Variants in RORA observed in about 807,000 individuals in gnomAD.
The protein encoded by RORA is nuclear receptor ROR-alpha.
Under a neutral mutation model 69.5 loss-of-function variants are expected in RORA, and 7 were observed. The observed-to-expected ratio is 0.10, with a 90% CI of 0.06 to 0.19. The LOEUF (loss-of-function observed/expected upper bound fraction) is 0.19, where lower values mean the gene tolerates loss of function less well. Among genes scored for constraint, RORA ranks in the 10% least tolerant of loss-of-function variants. The probability of loss-of-function intolerance (pLI) is 1.00; values close to 1 mark genes in which losing one functional copy is unlikely to be tolerated. For missense variants in RORA, 457 were observed against 663.0 expected (o/e 0.69, Z 3.41); for synonymous variants, 261 against 240.8 (o/e 1.08, Z -0.78).
intron 1 of RORA, among the ~76,000 whole-genome samples, chr15:60,961,120 C>T (rs1302725076): frequency 6.6e-6 from 1 of 152,198 alleles, no homozygotes; most frequent in African/African-American, 2.4e-5. Flanking sequence ...ATTCTTAGAT[C>T]TCTCTGGCCT....
chr15:60,842,717 C>T (rs2073215317), intron 1 of RORA, among the ~76,000 whole-genome samples: 1 of 151,624 alleles, frequency 6.6e-6, no homozygotes, highest in Non-Finnish European at 1.5e-5. Context: ...CCACACAGGT[C>T]CTGGGCTGTC....
intron 1 of RORA, among the ~76,000 whole-genome samples, chr15:60,691,653 A>C (rs1178533160): frequency 6.6e-6 from 1 of 152,204 alleles, no homozygotes; most frequent in Non-Finnish European, 1.5e-5. Flanking sequence ...ACATACAAAG[A>C]GTGAGAGGGG....
rs147909567 is a variant in RORA, at chr15:61,009,620, T to A, written c.166+219433A>T. On this transcript the variant is annotated intron_variant, in intron 1 of 10. Transcript: ENST00000335670. ...AACAGTGAGAAATGGAAACATCTGATTTGTCTTGACTACGCTTAGACCTCA... is the reference window on the plus strand; with the variant it reads ...AACAGTGAGAAATGGAAACATCTGAATTGTCTTGACTACGCTTAGACCTCA... Among the ~76,000 whole-genome samples the A allele has an allele frequency of 6.0e-3, 909 of 152,316 alleles. 5 individuals are homozygous for A. The highest frequency in any genetic ancestry group is 0.021 in the African/African-American group (854 of 41,566).
chr15:60,722,345 T>C (rs975549869), intron 1 of RORA, among the ~76,000 whole-genome samples: 5 of 152,186 alleles, frequency 3.3e-5, no homozygotes, highest in African/African-American at 9.7e-5. Context: ...CCCCACAAAT[T>C]AAGGTGCAGC....
chr15:60,635,196 T>G (rs1012218703), intron 2 of RORA, among the ~76,000 whole-genome samples: 2 of 152,220 alleles, frequency 1.3e-5, no homozygotes, highest in Non-Finnish European at 2.9e-5. Flanking sequence ...AATTTAAGGA[T>G]AGCTGTTATA....
chr15:60,708,419 A>G (rs76399461), intron 1 of RORA, among the ~76,000 whole-genome samples: 59 of 147,714 alleles, frequency 4.0e-4, no homozygotes, highest in South Asian at 2.1e-4. Flanking sequence ...CTCCGTCTCA[A>G]AAAAAAAAAA....
chr15:60,750,295 A>C, intron 1 of RORA, among the ~76,000 whole-genome samples: 1 of 152,328 alleles, frequency 6.6e-6, no homozygotes. Context: ...CCACCATGCC[A>C]CTGGTCTCCT....
chr15:60,981,099 A>T (rs1325654604), intron 1 of RORA, among the ~76,000 whole-genome samples: 5 of 146,562 alleles, frequency 3.4e-5, no homozygotes, highest in East Asian at 2.0e-4. Flanking sequence ...GGTTTACAGT[A>T]TTTTTTTTTT....
At chr15:60,521,339 T>A (rs1441457575) in intron 3 of RORA, among the ~76,000 whole-genome samples, 2 of 151,782 alleles carry the variant, frequency 1.3e-5, no homozygotes, top group Admixed American at 1.3e-4. Context: ...CCTCCTGGGT[T>A]CAAGTGATTC....
chr15:60,520,760 G>T (rs951708251), intron 3 of RORA, among the ~76,000 whole-genome samples: 6 of 152,112 alleles, frequency 3.9e-5, no homozygotes, highest in Non-Finnish European at 7.4e-5. Flanking sequence ...AGCTGGGAAA[G>T]GTATCAAGTA....
intron 1 of RORA, among the ~76,000 whole-genome samples, chr15:60,682,912 A>G (rs997277386): frequency 4.6e-5 from 7 of 152,220 alleles, no homozygotes; most frequent in African/African-American, 1.7e-4. Flanking sequence ...CCTAAAATAC[A>G]CATACACCCT....
intron 1 of RORA, among the ~76,000 whole-genome samples, chr15:61,178,781 T>C (rs112789625): frequency 6.6e-6 from 1 of 152,108 alleles, no homozygotes; most frequent in Non-Finnish European, 1.5e-5. Context: ...TACATATAAA[T>C]GACAAACAAC....
At chr15:61,223,287 C>T in intron 1 of RORA, among the ~76,000 whole-genome samples, 1 of 128,166 alleles carries the variant, frequency 7.8e-6, no homozygotes, top group Non-Finnish European at 1.5e-5. Context: ...GCACTCCAGC[C>T]TGGGAGACAC....
At chr15:60,916,227 T>C (rs1435931242) in intron 1 of RORA, among the ~76,000 whole-genome samples, 1 of 152,172 alleles carries the variant, frequency 6.6e-6, no homozygotes, top group Non-Finnish European at 1.5e-5. Context: ...ATATTCAGAT[T>C]CCCTCCAATG....
At chr15:60,901,386 A>G (rs1198955499) in intron 1 of RORA, among the ~76,000 whole-genome samples, 1 of 152,164 alleles carries the variant, frequency 6.6e-6, no homozygotes, top group Non-Finnish European at 1.5e-5. Context: ...TGGCCAGGCC[A>G]GTCTCGAACT....
intron 1 of RORA, among the ~76,000 whole-genome samples, chr15:60,939,512 C>T (rs1353288274): frequency 1.3e-5 from 2 of 152,182 alleles, no homozygotes; most frequent in Non-Finnish European, 2.9e-5. Context: ...GTTGCCATAG[C>T]GGCCTTAAGT....
At chr15:61,146,510 T>G (rs970787643) in intron 1 of RORA, among the ~76,000 whole-genome samples, 16 of 152,088 alleles carry the variant, frequency 1.1e-4, no homozygotes, top group Admixed American at 2.0e-4. Context: ...TCATCTATAA[T>G]TTAGAAAATG....
chr15:61,014,695 T>G (rs1895218833), intron 1 of RORA, among the ~76,000 whole-genome samples: 2 of 152,330 alleles, frequency 1.3e-5, no homozygotes, highest in African/African-American at 4.8e-5. Context: ...TGACAAAATG[T>G]TTTGGCTGTA....
intron 1 of RORA, among the ~76,000 whole-genome samples, chr15:60,680,014 TG>T (rs1348913713): frequency 6.6e-6 from 1 of 152,236 alleles, no homozygotes; most frequent in Non-Finnish European, 1.5e-5. Context: ...CCTTGAAGAC[TG>T]TCTCACATGA....
Sources: gnomAD v4.1 joint callset for allele counts (sites outside exome capture counted in the v4.1 genomes callset) on GRCh38, gnomAD v4.1.1 for gene constraint, MANE v1.5 for transcripts, NCBI Gene and HGNC (gene_info 2026-07-23, HGNC 2026-07-21) for gene names.